Variants in NPR3 observed in about 807,000 individuals in gnomAD.
NPR3 encodes the protein atrial natriuretic peptide receptor 3.
A neutral mutation model predicts 54.5 loss-of-function variants in NPR3; 34 were observed. The observed-to-expected ratio is 0.62, with a 90% CI of 0.47 to 0.83. The LOEUF is 0.83. Ranked by LOEUF, NPR3 falls within the 40% of genes least tolerant of loss-of-function variation. NPR3 has a pLI of 0.00. For synonymous variants in NPR3, 289 were observed against 297.1 expected, an observed-to-expected ratio of 0.97 and a Z score of 0.28; for missense variants, 674 against 720.8, an observed-to-expected ratio of 0.94 and a Z score of 0.74.
chr5:32,699,243 CAAGCAAA>C (rs1234639883), intron 1 of NPR3, among the ~76,000 whole-genome samples: 2 of 152,128 alleles, frequency 1.3e-5, no homozygotes, highest in African/African-American at 2.4e-5. Flanking sequence ...AACTAACAAA[CAAGCAAA>C]AAGCAAATGA....
chr5:32,784,602 CT>C (rs1479075265), intron 6 of NPR3, among the ~76,000 whole-genome samples, 193 bp from the exon 7 acceptor site: 1 of 152,126 alleles, frequency 6.6e-6, no homozygotes, highest in Non-Finnish European at 1.5e-5. Flanking sequence ...GGTTCTTAAG[CT>C]TTGCACTGGG....
chr5:32,736,286 C>G (rs1301435495), intron 2 of NPR3, among the ~76,000 whole-genome samples: 4 of 150,752 alleles, frequency 2.7e-5, no homozygotes, highest in African/African-American at 9.8e-5. Flanking sequence ...AAGCCGTTAC[C>G]TTTTAGATTG....
chr5:32,774,192 G>A (rs1332191042), intron 3 of NPR3, among the ~76,000 whole-genome samples: 2 of 152,208 alleles, frequency 1.3e-5, no homozygotes, highest in Non-Finnish European at 2.9e-5. Context: ...GGCAGAAGTT[G>A]CAACATCTAC....
rs116572192 is a variant in NPR3, at chr5:32,703,541, G to A, written c.100+14355G>A. Reference sequence around the variant, plus strand: ...CCTGGCTATTACTGCTGACTATTCAGGGCCCAAAGGCTCTTTAGACTGCAG... The same window carrying A: ...CCTGGCTATTACTGCTGACTATTCAAGGCCCAAAGGCTCTTTAGACTGCAG... On this transcript the variant is annotated intron_variant, in intron 1 of 5. Transcript: ENST00000509104. Among the ~76,000 whole-genome samples, 516 of 152,224 alleles carry A rather than the reference G, an allele frequency of 3.4e-3. 2 individuals carry two copies. The highest frequency in any genetic ancestry group is 0.011 in the African/African-American group (470 of 41,534).
chr5:32,742,280 G>A (rs1355435046), intron 3 of NPR3, among the ~76,000 whole-genome samples: 5 of 152,044 alleles, frequency 3.3e-5, no homozygotes, highest in African/African-American at 9.7e-5. Context: ...AATAGTGACA[G>A]TTTTGTTTCT....
At chr5:32,712,598 G>T (rs1738316914) in intron 1 of NPR3, 53 bp downstream of exon 1, 30 of 1,476,452 alleles carry the variant, frequency 2.0e-5, no homozygotes, top group Non-Finnish European at 2.6e-5. Context: ...GCTCTCCGCG[G>T]CTCTCCCTGC....
intron 1 of NPR3, among the ~76,000 whole-genome samples, chr5:32,723,817 T>G (rs1738992773): frequency 6.6e-6 from 1 of 152,114 alleles, no homozygotes; most frequent in Middle Eastern, 3.4e-3. Context: ...GATTTATGAT[T>G]TCAAGTATCT....
Position 32,722,529 on chromosome 5 carries a change from T to C in NPR3, c.770-2169T>C, listed in dbSNP as rs143145148. On this transcript the variant is annotated intron_variant, in intron 1 of 7. Coordinates refer to ENST00000265074, the MANE Select transcript of NPR3 (RefSeq NM_001204375.2). ...CCCTAAGCAATGACTCTACTCTCTATATGTTGACAGAATCAGGTTCTGCAT... is the reference window on the plus strand; with the variant it reads ...CCCTAAGCAATGACTCTACTCTCTACATGTTGACAGAATCAGGTTCTGCAT... 2.2e-4 allele frequency among the ~76,000 whole-genome samples: 33 copies of C among 152,322 alleles called. No homozygotes were observed. In the East Asian group the frequency reaches 6.4e-3, roughly 29 times the overall value.
In NPR3 at chr5:32,727,566, A is replaced by G. The variant is rs546914261; in HGVS notation, c.892+2746A>G. 3.9e-5 allele frequency among the ~76,000 whole-genome samples: 6 copies of G among 152,292 alleles called. No homozygotes were observed. The South Asian group carries it at 1.0e-3, about 26-fold the overall frequency. ...TAATTGAATTTCTTTTTATGTTTAT[A>G]AGCAAAGTTTTGCAGTTTTCTCATT... On this transcript the variant is annotated intron_variant, in intron 2 of 7. Coordinates refer to ENST00000265074, the MANE Select transcript of NPR3 (RefSeq NM_001204375.2).
At position 32,739,625 on chromosome 5, in the gene NPR3, G is replaced by T. The variant is rs114093632; in HGVS notation, c.1059+595G>T. ...GCATTTCAAGAGTGGACAAGAGTCAGAACCTCATTTCAGACTGAGGATTAA... is the reference window on the plus strand; with the variant it reads ...GCATTTCAAGAGTGGACAAGAGTCATAACCTCATTTCAGACTGAGGATTAA... On this transcript the variant is annotated intron_variant, in intron 3 of 7. Transcript: ENST00000265074. 3.9e-3 allele frequency among the ~76,000 whole-genome samples: 590 copies of T among 152,256 alleles called. 2 individuals are homozygous for T. Among genetic ancestry groups the T allele is most frequent in the African/African-American group, 0.014 (567 of 41,554 alleles).
rs773947848 is a variant in NPR3 at position 32,712,305 on chromosome 5, G to C, written c.529G>C (p.Val177Leu). 67 of 1,613,144 alleles carry C rather than the reference G, an allele frequency of 4.2e-5. No homozygotes were observed. The highest frequency in any genetic ancestry group is 5.7e-5 in the Non-Finnish European group (67 of 1,179,802). ...CTCTGAGTACTCGCACCTCACGCGC[G>C]TGGCGCCCGCCTACGCCAAGATGGG... ...KDSEYSHLTR[V>L]APAYAKMGEM... The change falls in exon 1 of 8, where the codon GTG (valine) becomes CTG (leucine). Residue 177 changes from valine (V) to leucine (L), a missense_variant. Coordinates refer to ENST00000265074, the MANE Select transcript of NPR3 (RefSeq NM_001204375.2).
In NPR3 at chr5:32,770,636, A is replaced by G. The variant is rs1047370608; in HGVS notation, c.1060-4072A>G. On this transcript the variant is annotated intron_variant, in intron 3 of 7. Coordinates refer to ENST00000265074, the MANE Select transcript of NPR3 (RefSeq NM_001204375.2). ...CTTGGCTTTCAGCGAGGCCCATGTC[A>G]TAACTTCGTAACTTGCATGCACAGA... Among the ~76,000 whole-genome samples the G allele has an allele frequency of 2.0e-5, 3 of 152,160 alleles. No individual in the cohort carries two copies. The East Asian group carries it at 5.8e-4, about 29-fold the overall frequency.
At chr5:32,723,921 C>T (rs1408108627) in intron 1 of NPR3, among the ~76,000 whole-genome samples, 1 of 151,918 alleles carries the variant, frequency 6.6e-6, no homozygotes, top group East Asian at 1.9e-4. Context: ...CTCTTTTCTA[C>T]CCATCTACCT....
chr5:32,766,215 G>T (rs570759265), intron 3 of NPR3, among the ~76,000 whole-genome samples: 2 of 152,172 alleles, frequency 1.3e-5, no homozygotes, highest in Non-Finnish European at 2.9e-5. Context: ...GTAGAATTTT[G>T]TACTCTAGAG....
At chr5:32,725,317 T>C (rs1166042462) in intron 2 of NPR3, among the ~76,000 whole-genome samples, 1 of 152,228 alleles carries the variant, frequency 6.6e-6, no homozygotes, top group Non-Finnish European at 1.5e-5. Context: ...TTGAGTTATG[T>C]CCATAAATGT....
At chr5:32,717,200 G>GAGTTC (rs1316725321) in intron 1 of NPR3, among the ~76,000 whole-genome samples, 1 of 152,168 alleles carries the variant, frequency 6.6e-6, no homozygotes. Flanking sequence ...TTTTGTGGCT[G>GAGTTC]CATAGTATTC....
intron 1 of NPR3, chr5:32,713,442 T>C (rs1579588512): frequency 1.0e-6 from 1 of 984,412 alleles, no homozygotes; most frequent in Non-Finnish European, 1.2e-6. Context: ...TACGGTAGGG[T>C]AGAATCTGAG....
upstream of NPR3, among the ~76,000 whole-genome samples, chr5:32,707,798 C>G (rs1245711102): frequency 6.6e-6 from 1 of 152,120 alleles, no homozygotes; most frequent in African/African-American, 2.4e-5. Context: ...GTGGAGAAAA[C>G]TTACTTCTGA....
intron 7 of NPR3, among the ~76,000 whole-genome samples, chr5:32,785,466 T>C (rs937663697): frequency 4.6e-5 from 7 of 152,126 alleles, no homozygotes; most frequent in Admixed American, 3.9e-4. Flanking sequence ...ATCACAGATA[T>C]TCTGACAAGA....
Sources: gnomAD v4.1 joint callset for allele counts (sites outside exome capture counted in the v4.1 genomes callset) on GRCh38, gnomAD v4.1.1 for gene constraint, MANE v1.5 for transcripts, NCBI Gene and HGNC (gene_info 2026-07-23, HGNC 2026-07-21) for gene names.